Variants in PCDHGA1 observed in about 807,000 individuals in gnomAD.
PCDHGA1 encodes protocadherin gamma subfamily A, 1.
Under a neutral mutation model 58.0 loss-of-function variants are expected in PCDHGA1, and 32 were observed. That is an observed-to-expected ratio of 0.55 (90% CI 0.42 to 0.74). The LOEUF (loss-of-function observed/expected upper bound fraction) is 0.74. Ranked by LOEUF, PCDHGA1 falls within the 30% of genes least tolerant of loss-of-function variation. PCDHGA1 has a pLI of 0.00. For synonymous variants in PCDHGA1, 498 were observed against 501.1 expected (o/e 0.99, Z 0.08); for missense variants, 1,205 against 1,182.3 (o/e 1.02, Z -0.28).
chr5:141,377,469 A>C (rs6896353), intron 1 of PCDHGA1: 1 of 151,896 alleles, frequency 6.6e-6, no homozygotes, highest in Non-Finnish European at 1.5e-5. Context: ...TGTGGCGTAC[A>C]CCTGTAGTCC....
intron 1 of PCDHGA1, chr5:141,394,820 C>T (rs1480144579): frequency 5.6e-6 from 9 of 1,613,748 alleles, no homozygotes; most frequent in African/African-American, 1.3e-5. Flanking sequence ...ACAGCATCCC[C>T]GAAGTCCTGA....
chr5:141,494,701 C>G, intron 1 of PCDHGA1, 106 bp from the exon 2 acceptor site: 1 of 1,594,596 alleles, frequency 6.3e-7, no homozygotes, highest in Non-Finnish European at 8.6e-7. Context: ...CCGTTTTCTT[C>G]TCTGTGCCCA....
intron 1 of PCDHGA1, chr5:141,338,916 T>A: frequency 6.6e-7 from 1 of 1,508,270 alleles, no homozygotes; most frequent in Non-Finnish European, 8.9e-7. Flanking sequence ...GAATAAAGAT[T>A]GGAATCCGCA....
chr5:141,367,112 C>G (rs1261391060), intron 1 of PCDHGA1: 1 of 221,008 alleles, frequency 4.5e-6, no homozygotes, highest in South Asian at 7.2e-5. Context: ...GCCTAGACAC[C>G]ATTAGTGAAT....
At chr5:141,405,488 C>T (rs781076927) in intron 1 of PCDHGA1, 5 of 895,936 alleles carry the variant, frequency 5.6e-6, no homozygotes, top group Middle Eastern at 2.9e-4. Context: ...GGTGTGATCT[C>T]GGCTCATTGC....
At chr5:141,389,424 G>C (rs746873845) in intron 1 of PCDHGA1, 1 of 1,613,390 alleles carries the variant, frequency 6.2e-7, no homozygotes, top group African/African-American at 1.3e-5. Flanking sequence ...GGTGGTGTTC[G>C]CGCAGCGCGC....
At chr5:141,352,289 C>G in intron 1 of PCDHGA1, 1 of 1,614,082 alleles carries the variant, frequency 6.2e-7, no homozygotes, top group Non-Finnish European at 8.5e-7. Context: ...CCGCCCTGAG[C>G]CCTCTGACCC....
At chr5:141,405,049 C>A in intron 1 of PCDHGA1, 2 of 1,613,936 alleles carry the variant, frequency 1.2e-6, no homozygotes, top group South Asian at 2.2e-5. Flanking sequence ...CTGTGGCAGT[C>A]GTCTCCTGTG....
intron 1 of PCDHGA1, among the ~76,000 whole-genome samples, chr5:141,481,761 G>A (rs984825493): frequency 2.6e-5 from 4 of 152,234 alleles, no homozygotes; most frequent in Non-Finnish European, 2.9e-5. Context: ...AGACCAGCCT[G>A]GCCAACATGG....
chr5:141,462,998 C>A (rs562002585), intron 1 of PCDHGA1, among the ~76,000 whole-genome samples: 3 of 152,190 alleles, frequency 2.0e-5, no homozygotes, highest in Admixed American at 2.0e-4. Context: ...CTAATTTAGA[C>A]CTACCACTTA....
Position 141,397,579 on chromosome 5 carries a change from A to G in PCDHGA1, c.2421+64474A>G, listed in dbSNP as rs73279085. Among the ~76,000 whole-genome samples, 1,264 of 152,334 alleles carry G rather than the reference A, an allele frequency of 8.3e-3. 17 individuals are homozygous for G. Among genetic ancestry groups the G allele is most frequent in the African/African-American group, 0.029 (1,200 of 41,570 alleles). On this transcript the variant is annotated intron_variant, in intron 1 of 3. Coordinates refer to ENST00000517417, the MANE Select transcript of PCDHGA1 (RefSeq NM_018912.3). ...AGGCTCTGAGAGCAAGAACTGTATCATATTAATTATTATATTGCCAGTGAC... is the reference window on the plus strand; with the variant it reads ...AGGCTCTGAGAGCAAGAACTGTATCGTATTAATTATTATATTGCCAGTGAC...
chr5:141,380,372 C>A (rs73265858), intron 1 of PCDHGA1, among the ~76,000 whole-genome samples: 1 of 151,948 alleles, frequency 6.6e-6, no homozygotes. Context: ...AAAAAAAAGT[C>A]CCAAAAAAGA....
At chr5:141,408,896 G>A (rs1441378199) in intron 1 of PCDHGA1, 5 of 1,613,328 alleles carry the variant, frequency 3.1e-6, no homozygotes, top group East Asian at 2.2e-5. Flanking sequence ...AGAAATTTCT[G>A]TCAAGGATAC....
At position 141,358,718 on chromosome 5, in the gene PCDHGA1, G is replaced by A. The variant is rs546163361; in HGVS notation, c.2421+25613G>A. Among the ~76,000 whole-genome samples, 15 of 152,266 alleles carry A rather than the reference G, an allele frequency of 9.9e-5. No individual in the cohort carries two copies. In the South Asian group the frequency reaches 3.1e-3, roughly 32 times the overall value. On this transcript the variant is annotated intron_variant, in intron 1 of 3. Transcript: ENST00000517417. ...CTATTGAGACTTTCTTGATTTCCAA[G>A]GAAAATATAAGTTTTTGGAGTCTTT...
At chr5:141,376,521 C>T (rs567480751) in intron 1 of PCDHGA1, 5 of 1,613,810 alleles carry the variant, frequency 3.1e-6, no homozygotes, top group East Asian at 4.5e-5. Context: ...AGTTTCTTTC[C>T]GCCTAAGCGG....
chr5:141,487,831 A>T lies in PCDHGA1; in HGVS notation c.2422-6976A>T. 2 of 1,144,322 alleles carry T rather than the reference A, an allele frequency of 1.7e-6. No individual in the cohort carries two copies. Among genetic ancestry groups the T allele is most frequent in the Non-Finnish European group, 2.4e-6 (2 of 818,294 alleles). 70.9% of individuals were successfully genotyped at this position (1,144,322 alleles called of 1,614,324 possible). ...TTAGCATTGGGGGCGGGTCATGCCT[A>T]TATCTGAGTAAGAAATGAAAGTAAT... On this transcript the variant is annotated intron_variant, in intron 1 of 3. Transcript: ENST00000517417. The surrounding 1 kb of genome is among the most constrained non-coding windows in gnomAD (Gnocchi z 5.0).
At chr5:141,500,184 T>TTATA (rs530565701) in intron 2 of PCDHGA1, among the ~76,000 whole-genome samples, 2 of 135,886 alleles carry the variant, frequency 1.5e-5, no homozygotes, top group Non-Finnish European at 3.2e-5. Flanking sequence ...TCATTTTTAT[T>TTATA]TTTATTTATT....
At chr5:141,360,877 A>T (rs1025291723) in intron 1 of PCDHGA1, 1 of 1,613,942 alleles carries the variant, frequency 6.2e-7, no homozygotes, top group Non-Finnish European at 8.5e-7. Context: ...GGACGTGTAC[A>T]GGGTCACCCT....
chr5:141,394,012 A>C lies in PCDHGA1; in HGVS notation c.2421+60907A>C, dbSNP rs756847755. ...TTTAAATTAGAAAAGTCAATAGGTA[A>C]TTATTATAGATTAGTGACAAGGAAA... On this transcript the variant is annotated intron_variant, in intron 1 of 3. Coordinates refer to ENST00000517417, the MANE Select transcript of PCDHGA1 (RefSeq NM_018912.3). The C allele has an allele frequency of 2.6e-5, 42 of 1,613,288 alleles. No individual in the cohort carries two copies. Among genetic ancestry groups the C allele is most frequent in the Non-Finnish European group, 3.4e-5 (40 of 1,179,552 alleles).
Sources: gnomAD v4.1 joint callset for allele counts (sites outside exome capture counted in the v4.1 genomes callset) on GRCh38, gnomAD v4.1.1 for gene constraint, Gnocchi (gnomAD v3.1) non-coding constraint, MANE v1.5 for transcripts, NCBI Gene and HGNC (gene_info 2026-07-23, HGNC 2026-07-21) for gene names.